Variants in DNM2 observed in about 807,000 individuals in gnomAD.
DNM2 encodes the protein dynamin-2.
A neutral mutation model predicts 99.0 loss-of-function variants in DNM2; 15 were observed. That is an observed-to-expected ratio of 0.15 (90% confidence interval 0.10 to 0.23). The LOEUF (loss-of-function observed/expected upper bound fraction) is 0.23, where lower values mean the gene tolerates loss of function less well. Ranked by LOEUF, DNM2 falls within the 10% of genes least tolerant of loss-of-function variation. The pLI, the probability that DNM2 is intolerant of heterozygous loss-of-function variation, is 1.00. For missense variants in DNM2, 742 were observed against 1,189.4 expected, an observed-to-expected ratio of 0.62 and a Z score of 5.53; for synonymous variants, 525 against 481.2, an observed-to-expected ratio of 1.09 and a Z score of -1.19.
chr19:10,751,377 C>T (rs2070187377), intron 1 of DNM2, among the ~76,000 whole-genome samples: 1 of 152,082 alleles, frequency 6.6e-6, no homozygotes, highest in Non-Finnish European at 1.5e-5. Context: ...AGGTAGATTT[C>T]AGTACTCTCA....
At chr19:10,741,831 G>A (rs1416081090) in intron 1 of DNM2, among the ~76,000 whole-genome samples, 4 of 152,100 alleles carry the variant, frequency 2.6e-5, no homozygotes, top group East Asian at 3.9e-4. Flanking sequence ...GATTACAGGC[G>A]TGAGCCACCA....
At chr19:10,790,293 TTTTG>T (rs60635213) in intron 7 of DNM2, among the ~76,000 whole-genome samples, 28 of 150,998 alleles carry the variant, frequency 1.9e-4, no homozygotes, top group African/African-American at 4.9e-4. Flanking sequence ...CCCAGGGTTT[TTTTG>T]TTTGTTTGTT....
chr19:10,739,187 A>C (rs953543017), intron 1 of DNM2, among the ~76,000 whole-genome samples: 3 of 152,220 alleles, frequency 2.0e-5, no homozygotes, highest in Non-Finnish European at 2.9e-5. Flanking sequence ...ATAAATAAAT[A>C]AATAAAAGAA....
In DNM2 at chr19:10,830,074, G is replaced by T; in HGVS notation, c.2292-53G>T. The stretch of plus-strand genomic sequence containing the variant: ...GTTCTGGCAGCCACAGTGGCATGGC[G>T]GGGGCTCCTACTCCATCTGTATCTG... On this transcript the variant is annotated intron_variant, in intron 19 of 20. Transcript: ENST00000389253. The surrounding 1 kb of genome is among the most constrained non-coding windows in gnomAD (Gnocchi z 4.8). The T allele has an allele frequency of 6.2e-7, 1 of 1,613,118 alleles. No homozygotes were observed. The highest frequency in any genetic ancestry group is 8.5e-7 in the Non-Finnish European group (1 of 1,179,266).
chr19:10,830,324 A>G lies in DNM2; in HGVS notation c.2489A>G (p.Gln830Arg). 5 of 1,613,544 alleles carry G rather than the reference A, an allele frequency of 3.1e-6. No individual in the cohort carries two copies. The highest frequency in any genetic ancestry group is 4.2e-6 in the Non-Finnish European group (5 of 1,179,870). ...AGTGACCTCTTCCCAGCCCCGCCTC[A>G]GATCCCATCTCGGCCAGTTCGGATC... ...ANSDLFPAPP[Q>R]IPSRPVRIPP... The change falls in exon 20 of 21, where the codon CAG (glutamine) becomes CGG (arginine). Residue 830 changes from glutamine to arginine, a missense_variant. By Grantham distance (43) the Gln-to-Arg change is conservative. This residue lies in a region of DNM2 where 187 missense variants were observed against 218.8 expected (regional missense o/e 0.85). Transcript: ENST00000389253. This position sits in a 1 kb window ranked among gnomAD's most constrained non-coding sequence, Gnocchi z 4.8.
chr19:10,827,485 C>G (rs957905836), intron 18 of DNM2, among the ~76,000 whole-genome samples: 1 of 152,004 alleles, frequency 6.6e-6, no homozygotes, highest in Admixed American at 6.6e-5. Context: ...AGGAAGATCA[C>G]TTGAGCCCAG....
At chr19:10,778,913 A>T (rs539374978) in intron 5 of DNM2, among the ~76,000 whole-genome samples, 4 of 152,148 alleles carry the variant, frequency 2.6e-5, no homozygotes, top group South Asian at 4.2e-4. Flanking sequence ...ATTTTATTTT[A>T]AAAATATTTT....
In DNM2 at chr19:10,796,306, C is replaced by T. The variant is rs1409312684; in HGVS notation, c.1196+867C>T. The T allele has an allele frequency of 6.5e-7, 1 of 1,535,446 alleles. No homozygotes were observed. The highest frequency in any genetic ancestry group is 9.0e-7 in the Non-Finnish European group (1 of 1,115,700). ...TTGGCCCCCACTGGTGCCTTTTCTCCCCATATCGCTTTGTGTCCGTGAACT... is the reference window on the plus strand; with the variant it reads ...TTGGCCCCCACTGGTGCCTTTTCTCTCCATATCGCTTTGTGTCCGTGAACT... On this transcript the variant is annotated intron_variant, in intron 9 of 20. Transcript: ENST00000389253. This position sits in a 1 kb window ranked among gnomAD's most constrained non-coding sequence, Gnocchi z 5.6.
intron 1 of DNM2, among the ~76,000 whole-genome samples, chr19:10,750,399 G>C (rs973923845): frequency 9.2e-5 from 14 of 151,904 alleles, no homozygotes; most frequent in Non-Finnish European, 1.3e-4. Context: ...AGTTCACTAG[G>C]GTCCGGGAGT....
chr19:10,720,684 T>C (rs11672504), intron 1 of DNM2, among the ~76,000 whole-genome samples: 12,734 of 152,124 alleles, frequency 0.084, 563 homozygotes, highest in Middle Eastern at 0.11. Flanking sequence ...GAGCCGTGAT[T>C]GCACCATTAC....
At chr19:10,730,478 C>CA (rs560450347) in intron 1 of DNM2, among the ~76,000 whole-genome samples, 20,695 of 142,572 alleles carry the variant, frequency 0.15, 1,763 homozygotes, top group East Asian at 0.38. Context: ...GACCCTGTCT[C>CA]AAAAAAAAAA....
chr19:10,805,844 C>A, intron 12 of DNM2, 72 bp from the exon 13 acceptor site: 1 of 1,602,016 alleles, frequency 6.2e-7, no homozygotes, highest in Admixed American at 1.7e-5. Flanking sequence ...AGAGAACGGC[C>A]ACATTCGCCT....
In DNM2 at chr19:10,760,827, A is replaced by ATTTTTTTT. The variant is rs57290103; in HGVS notation, c.235+1026_235+1033dup. Among the ~76,000 whole-genome samples, 26 of 41,260 alleles carry ATTTTTTTT rather than the reference A, an allele frequency of 6.3e-4. 5 individuals carry two copies. Among genetic ancestry groups the ATTTTTTTT allele is most frequent in the South Asian group, 1.3e-3 (1 of 764 alleles). 27.1% of individuals were successfully genotyped at this position (41,260 alleles called of 152,430 possible). On this transcript the variant is annotated intron_variant, in intron 2 of 20. Coordinates refer to ENST00000389253, the MANE Select transcript of DNM2 (RefSeq NM_001005361.3). ...GTGCACACACCACCACACCCAGCTG[A>ATTTTTTTT]TTTTTTTTTTTTTTTTTGGTAGAGA...
rs1005967170 is a variant in DNM2, at chr19:10,796,219, G to T, written c.1196+780G>T. On this transcript the variant is annotated intron_variant, in intron 9 of 20. Transcript: ENST00000389253. The surrounding 1 kb of genome is among the most constrained non-coding windows in gnomAD (Gnocchi z 5.6). The stretch of plus-strand genomic sequence containing the variant: ...AGTAAGGTATTGCTCCCTCGGCAGG[G>T]TGACTCCTGACCTTGTGGAAACGGG... 6.2e-7 allele frequency: 1 copy of T among 1,613,682 alleles called. No individual in the cohort carries two copies. The highest frequency in any genetic ancestry group is 1.3e-5 in the African/African-American group (1 of 74,900).
chr19:10,740,636 A>C (rs1046688668), intron 1 of DNM2, among the ~76,000 whole-genome samples: 3 of 152,220 alleles, frequency 2.0e-5, no homozygotes, highest in Non-Finnish European at 4.4e-5. Flanking sequence ...TCGGCCTCTT[A>C]AAAGTGTGGG....
chr19:10,740,479 C>T (rs2069704841), intron 1 of DNM2, among the ~76,000 whole-genome samples: 1 of 152,016 alleles, frequency 6.6e-6, no homozygotes, highest in Non-Finnish European at 1.5e-5. Flanking sequence ...AGGTTCACGC[C>T]ATCCTCGTGC....
At chr19:10,778,392 C>G (rs2145934863) in intron 5 of DNM2, among the ~76,000 whole-genome samples, 1 of 152,130 alleles carries the variant, frequency 6.6e-6, no homozygotes, top group Admixed American at 6.5e-5. Context: ...TGGCTCACGC[C>G]TGTAATCTCA....
intron 11 of DNM2, among the ~76,000 whole-genome samples, chr19:10,800,416 G>A (rs1355990044): frequency 6.6e-6 from 1 of 152,164 alleles, no homozygotes; most frequent in Non-Finnish European, 1.5e-5. Context: ...TCAAAAGTCT[G>A]GAAGAGTCTG....
chr19:10,739,367 T>C (rs2069654063), intron 1 of DNM2, among the ~76,000 whole-genome samples: 1 of 152,232 alleles, frequency 6.6e-6, no homozygotes, highest in Non-Finnish European at 1.5e-5. Flanking sequence ...AGCACCACTA[T>C]CTGATTTTGT....
Sources: allele counts gnomAD v4.1 joint callset (sites outside exome capture counted in the v4.1 genomes callset), GRCh38; gene constraint gnomAD v4.1.1; regional missense constraint gnomAD v4.1.1; non-coding constraint Gnocchi (gnomAD v3.1); transcripts MANE v1.5; gene names NCBI Gene and HGNC (gene_info 2026-07-23, HGNC 2026-07-21).